FKTN: variants seen among roughly 807,000 people sequenced by gnomAD.
FKTN encodes the protein ribitol-5-phosphate transferase FKTN.
In FKTN, 47 loss-of-function variants were observed where a neutral mutation model predicts 58.6. That is an observed-to-expected ratio of 0.80 (90% CI 0.63 to 1.02). FKTN has a LOEUF of 1.02. Among genes scored for constraint, FKTN ranks in the 50% least tolerant of loss-of-function variants. The pLI is 0.00. For synonymous variants in FKTN, 178 were observed against 191.9 expected, an observed-to-expected ratio of 0.93 and a Z score of 0.60; for missense variants, 516 against 537.3, an observed-to-expected ratio of 0.96 and a Z score of 0.39.
At chr9:105,627,913 T>C (rs568664159) in intron 10 of FKTN, among the ~76,000 whole-genome samples, 3 of 152,336 alleles carry the variant, frequency 2.0e-5, no homozygotes, top group East Asian at 3.9e-4. Context: ...TACACTGTTT[T>C]GTTAAGATGA....
intron 1 of FKTN, among the ~76,000 whole-genome samples, chr9:105,567,505 A>T (rs911738540): frequency 1.3e-5 from 2 of 150,802 alleles, no homozygotes; most frequent in Non-Finnish European, 1.5e-5. Context: ...ACACCAAATA[A>T]CAGAGAGCCA....
rs1484112428 is a variant in FKTN at position 105,638,381 on chromosome 9, C to T, written c.*3117C>T. 1 of 985,376 alleles carries T rather than the reference C, an allele frequency of 1.0e-6. No homozygotes were observed. The highest frequency in any genetic ancestry group is 1.2e-6 in the Non-Finnish European group (1 of 829,908). 61.0% of individuals were successfully genotyped at this position (985,376 alleles called of 1,614,324 possible). A position where few individuals can be genotyped will look rare whatever the true frequency, so the allele number is the denominator to read the frequency against. ...TTCAGAATTCAGAATTCTTAGGCAACCTTCATACCTTTATCTGGAAAATGC... is the reference window on the plus strand; with the variant it reads ...TTCAGAATTCAGAATTCTTAGGCAATCTTCATACCTTTATCTGGAAAATGC... On this transcript the variant is annotated 3_prime_UTR_variant, in exon 11 of 11. Transcript: ENST00000357998.
chr9:105,580,724 A>G (rs558788325), intron 3 of FKTN, among the ~76,000 whole-genome samples: 10 of 29,074 alleles, frequency 3.4e-4, no homozygotes, highest in African/African-American at 1.8e-3. Context: ...GCCTTGCTAG[A>G]TTGGGGAAGT....
At chr9:105,566,300 A>G (rs994096067) in intron 1 of FKTN, among the ~76,000 whole-genome samples, 1 of 152,210 alleles carries the variant, frequency 6.6e-6, no homozygotes, top group African/African-American at 2.4e-5. Context: ...AACTAAGATC[A>G]GAGCGGAACT....
At chr9:105,591,182 C>G (rs994440507) in intron 3 of FKTN, among the ~76,000 whole-genome samples, 1 of 152,164 alleles carries the variant, frequency 6.6e-6, no homozygotes, top group Non-Finnish European at 1.5e-5. Context: ...TATTCTGCCC[C>G]TGGCCCCTCA....
intron 8 of FKTN, among the ~76,000 whole-genome samples, chr9:105,616,383 A>G (rs942180025): frequency 6.6e-6 from 1 of 152,178 alleles, no homozygotes; most frequent in African/African-American, 2.4e-5. Flanking sequence ...CAGTGTCATA[A>G]GGTCTTCCAT....
At chr9:105,600,869 G>T in intron 4 of FKTN, 1 of 251,204 alleles carries the variant, frequency 4.0e-6, no homozygotes, top group South Asian at 6.9e-5. Flanking sequence ...TAAATTTGTA[G>T]CTTACTGGTC....
At chr9:105,579,410 C>T (rs1842419386) in intron 3 of FKTN, among the ~76,000 whole-genome samples, 1 of 151,950 alleles carries the variant, frequency 6.6e-6, no homozygotes, top group Non-Finnish European at 1.5e-5. Flanking sequence ...TTTCTGCCTT[C>T]ATTTCGTTAT....
intron 10 of FKTN, among the ~76,000 whole-genome samples, chr9:105,628,455 C>G (rs1833006553): frequency 6.6e-6 from 1 of 151,930 alleles, no homozygotes; most frequent in African/African-American, 2.4e-5. Flanking sequence ...AGAAGATTGC[C>G]TCCAGATGAA....
chr9:105,635,275 T>C lies in FKTN; in HGVS notation c.*11T>C, dbSNP rs996496641. On this transcript the variant is annotated 3_prime_UTR_variant, in exon 11 of 11. Coordinates refer to ENST00000357998, the MANE Select transcript of FKTN (RefSeq NM_001079802.2). ...ATCCAGTTATATTGAGATAGTAGGTTGAAATGGGAGAATTTCTCTTTTGGA... is the reference window on the plus strand; with the variant it reads ...ATCCAGTTATATTGAGATAGTAGGTCGAAATGGGAGAATTTCTCTTTTGGA... 1 of 1,613,974 alleles carries C rather than the reference T, an allele frequency of 6.2e-7. No individual in the cohort carries two copies. Among genetic ancestry groups the C allele is most frequent in the African/African-American group, 1.3e-5 (1 of 75,054 alleles).
At chr9:105,565,347 G>T (rs934620260) in intron 1 of FKTN, among the ~76,000 whole-genome samples, 1 of 152,138 alleles carries the variant, frequency 6.6e-6, no homozygotes, top group Admixed American at 6.5e-5. Context: ...AAAAGACACA[G>T]ACTGGCAAAT....
At chr9:105,626,981 CT>C (rs60710867) in intron 10 of FKTN, among the ~76,000 whole-genome samples, 71,383 of 127,776 alleles carry the variant, frequency 0.56, 18,381 homozygotes, top group Admixed American at 0.65. Context: ...CTTCTTTATT[CT>C]TTTTTTTTTT....
At chr9:105,563,940 C>A (rs1054174626) in intron 1 of FKTN, among the ~76,000 whole-genome samples, 3 of 152,202 alleles carry the variant, frequency 2.0e-5, no homozygotes, top group African/African-American at 4.8e-5. Context: ...GCCGGGTACC[C>A]CTCTGAGACG....
intron 3 of FKTN, among the ~76,000 whole-genome samples, chr9:105,588,316 C>T (rs1009709284): frequency 2.0e-5 from 3 of 152,156 alleles, no homozygotes; most frequent in Non-Finnish European, 2.9e-5. Context: ...ATTCATTTCC[C>T]GTAAATTTTT....
intron 3 of FKTN, among the ~76,000 whole-genome samples, chr9:105,585,948 A>T (rs1410133654): frequency 6.6e-6 from 1 of 152,198 alleles, no homozygotes; most frequent in African/African-American, 2.4e-5. Flanking sequence ...AGAGATAGGG[A>T]TGAAAAATTG....
At position 105,581,487 on chromosome 9, in the gene FKTN, G is replaced by A. The variant is rs918914760; in HGVS notation, c.105+6350G>A. ...TCCCAGTTAGGCTGCTCGGGGGTCAGGGGTCAGGGACCCACTTGAGGAGGC... is the reference window on the plus strand; with the variant it reads ...TCCCAGTTAGGCTGCTCGGGGGTCAAGGGTCAGGGACCCACTTGAGGAGGC... On this transcript the variant is annotated intron_variant, in intron 3 of 10. Transcript: ENST00000357998. 6.8e-4 allele frequency among the ~76,000 whole-genome samples: 101 copies of A among 149,570 alleles called. 1 individual carries two copies. Among genetic ancestry groups the A allele is most frequent in the Admixed American group, 1.9e-3 (29 of 15,140 alleles).
At chr9:105,574,751 TA>T (rs897484311) in intron 2 of FKTN, among the ~76,000 whole-genome samples, 193 bp from the exon 3 acceptor site, 23 of 152,028 alleles carry the variant, frequency 1.5e-4, no homozygotes, top group Admixed American at 3.9e-4. Flanking sequence ...TTTACAGTTA[TA>T]AAAAAAAGTG....
chr9:105,621,697 C>T (rs941254776), intron 10 of FKTN, among the ~76,000 whole-genome samples: 1 of 152,056 alleles, frequency 6.6e-6, no homozygotes, highest in Non-Finnish European at 1.5e-5. Context: ...TACACACTGT[C>T]TGTATGTTCT....
intron 3 of FKTN, among the ~76,000 whole-genome samples, chr9:105,584,665 C>G (rs1373130902): frequency 1.3e-5 from 2 of 151,916 alleles, no homozygotes. Flanking sequence ...ACAAAAAATA[C>G]AAATATTAGC....
Sources: allele counts gnomAD v4.1 joint callset (sites outside exome capture counted in the v4.1 genomes callset), GRCh38; gene constraint gnomAD v4.1.1; transcripts MANE v1.5; gene names NCBI Gene and HGNC (gene_info 2026-07-23, HGNC 2026-07-21).